RAB6A: variants seen among roughly 807,000 people sequenced by gnomAD.
RAB6A encodes RAB6A, member RAS oncogene family, also known as ras-related protein Rab-6A.
RAB6A carries 8 observed loss-of-function variants against 32.3 expected under a neutral mutation model. The observed-to-expected ratio is 0.25, with a 90% CI of 0.15 to 0.45. The LOEUF is 0.45. RAB6A is among the 20% of genes least tolerant of loss of function. The pLI is 1.00. For missense variants in RAB6A, 104 were observed against 249.4 expected, an observed-to-expected ratio of 0.42 and a Z score of 3.93; for synonymous variants, 73 against 82.1, an observed-to-expected ratio of 0.89 and a Z score of 0.60.
At chr11:73,730,427 A>G (rs1369491745) in intron 2 of RAB6A, 1 of 185,302 alleles carries the variant, frequency 5.4e-6, no homozygotes, top group Non-Finnish European at 1.1e-5. Flanking sequence ...TAATTTCATT[A>G]TTCATTTATT....
At chr11:73,723,231 C>G (rs1459010300) in intron 2 of RAB6A, among the ~76,000 whole-genome samples, 1 of 152,108 alleles carries the variant, frequency 6.6e-6, no homozygotes, top group South Asian at 2.1e-4. Context: ...TCATGTACAC[C>G]TGTCCACATT....
rs545449600 is a variant in RAB6A, at chr11:73,685,196, T to G, written c.496-5476A>C. 4.6e-5 allele frequency among the ~76,000 whole-genome samples: 7 copies of G among 152,060 alleles called. No individual in the cohort carries two copies. The East Asian group carries it at 1.4e-3, about 29-fold the overall frequency. ...CCTGATGTGTAAGATGGGCTTAAAA[T>G]AATAGTATACTTGCCTGATTAGATT... On this transcript the variant is annotated intron_variant, in intron 6 of 7. Transcript: ENST00000336083.
chr11:73,742,818 A>G (rs1305420248), intron 1 of RAB6A, among the ~76,000 whole-genome samples: 2 of 152,108 alleles, frequency 1.3e-5, no homozygotes, highest in East Asian at 3.9e-4. Context: ...TCAAAAAAAA[A>G]AAGTAAACAA....
At position 73,753,045 on chromosome 11, in the gene RAB6A, T is replaced by C. The variant is rs551102628; in HGVS notation, c.70+7521A>G. ...GCGGGAATCACTTGAGGCCAGGAGT[T>C]GGAAAGCAGCCTGGCAACACAGCAA... On this transcript the variant is annotated intron_variant, in intron 1 of 7. Transcript: ENST00000336083. 3.3e-5 allele frequency among the ~76,000 whole-genome samples: 5 copies of C among 152,116 alleles called. No individual in the cohort carries two copies. In the South Asian group the frequency reaches 1.0e-3, roughly 32 times the overall value.
chr11:73,691,555 T>A (rs537787987), intron 6 of RAB6A, among the ~76,000 whole-genome samples: 1 of 152,342 alleles, frequency 6.6e-6, no homozygotes, highest in East Asian at 1.9e-4. Flanking sequence ...ACTTTAAACT[T>A]CTGGAGAGCA....
At position 73,676,592 on chromosome 11, in the gene RAB6A, C is replaced by A. The variant is rs1400416638; in HGVS notation, c.*1306G>T. 6.0e-6 allele frequency: 1 copy of A among 166,510 alleles called. No homozygotes were observed. The highest frequency in any genetic ancestry group is 1.5e-5 in the Non-Finnish European group (1 of 68,010). The allele number at this position is 166,510 out of a possible 1,614,324, so 10.3% of individuals were successfully genotyped here. A position where few individuals can be genotyped will look rare whatever the true frequency, so the allele number is the denominator to read the frequency against. ...TTAAACTATACAGATCTAATACAAACCAAAACCAGCCTGAAAGACCCAACC... is the reference window on the plus strand; with the variant it reads ...TTAAACTATACAGATCTAATACAAAACAAAACCAGCCTGAAAGACCCAACC... On this transcript the variant is annotated 3_prime_UTR_variant, in exon 8 of 8. Coordinates refer to ENST00000336083, the MANE Select transcript of RAB6A (RefSeq NM_198896.2).
chr11:73,683,978 T>A (rs915453578), intron 6 of RAB6A, among the ~76,000 whole-genome samples: 1 of 152,320 alleles, frequency 6.6e-6, no homozygotes, highest in African/African-American at 2.4e-5. Context: ...GTATTAATAG[T>A]ATTATTTTAA....
intron 5 of RAB6A, among the ~76,000 whole-genome samples, chr11:73,713,406 TA>T (rs1212918877): frequency 6.6e-6 from 1 of 152,044 alleles, no homozygotes; most frequent in African/African-American, 2.4e-5. Flanking sequence ...CCGTCTCTAC[TA>T]AAAACACAAA....
chr11:73,742,742 G>A (rs1042594825), intron 1 of RAB6A, among the ~76,000 whole-genome samples: 17 of 152,122 alleles, frequency 1.1e-4, no homozygotes, highest in African/African-American at 3.9e-4. Context: ...CTCGGGAGAT[G>A]GAGGTTGCAG....
At chr11:73,760,052 CACG>C in intron 1 of RAB6A, 1 of 1,289,454 alleles carries the variant, frequency 7.8e-7, no homozygotes. Context: ...TCCCACCTTC[CACG>C]ACATCAGCAC....
intron 6 of RAB6A, among the ~76,000 whole-genome samples, chr11:73,681,737 A>G (rs1945361728): frequency 6.6e-6 from 1 of 152,188 alleles, no homozygotes; most frequent in Admixed American, 6.5e-5. Flanking sequence ...TGAACCCAGG[A>G]GCCGGAGGTT....
rs11235866 is a variant in RAB6A at position 73,702,653 on chromosome 11, A to G, written c.495+4767T>C. 4.0e-3 allele frequency among the ~76,000 whole-genome samples: 610 copies of G among 152,332 alleles called. 4 individuals are homozygous for G. Among genetic ancestry groups the G allele is most frequent in the South Asian group, 0.026 (123 of 4,822 alleles). ...ATATTACAGAGTGTATTCTCTGACT[A>G]TAACAGAATTAAATTAGAAGCCAGT... On this transcript the variant is annotated intron_variant, in intron 6 of 7. Coordinates refer to ENST00000336083, the MANE Select transcript of RAB6A (RefSeq NM_198896.2).
At chr11:73,706,242 G>A (rs1041578058) in intron 6 of RAB6A, among the ~76,000 whole-genome samples, 6 of 151,936 alleles carry the variant, frequency 3.9e-5, no homozygotes, top group Admixed American at 1.3e-4. Flanking sequence ...TAGGCCGGGC[G>A]TGGTGGCTCA....
intron 6 of RAB6A, among the ~76,000 whole-genome samples, chr11:73,680,869 A>G (rs923063111): frequency 1.1e-4 from 16 of 152,184 alleles, no homozygotes; most frequent in African/African-American, 3.6e-4. Flanking sequence ...GAAGCTATGA[A>G]AAGTTATCTT....
intron 2 of RAB6A, among the ~76,000 whole-genome samples, chr11:73,724,928 G>A (rs1251709810): frequency 7.9e-5 from 12 of 152,150 alleles, no homozygotes; most frequent in African/African-American, 2.7e-4. Context: ...ATATACCCAG[G>A]ATGCAGAATA....
chr11:73,718,499 T>C (rs1383025278), intron 4 of RAB6A, 114 bp downstream of exon 4: 2 of 855,934 alleles, frequency 2.3e-6, no homozygotes, highest in Non-Finnish European at 3.6e-6. Context: ...TAATTTACTA[T>C]GATAAAACTT....
chr11:73,690,065 T>C (rs1945525678), intron 6 of RAB6A, among the ~76,000 whole-genome samples: 1 of 152,218 alleles, frequency 6.6e-6, no homozygotes. Flanking sequence ...CCTATTTCCA[T>C]AATTTAATAC....
chr11:73,699,856 A>G (rs1395267946), intron 6 of RAB6A, among the ~76,000 whole-genome samples: 1 of 152,228 alleles, frequency 6.6e-6, no homozygotes, highest in Non-Finnish European at 1.5e-5. Context: ...TGGGAGATAT[A>G]GTGATGAGGA....
chr11:73,717,570 A>G (rs1012485811), intron 4 of RAB6A, among the ~76,000 whole-genome samples: 16 of 152,098 alleles, frequency 1.1e-4, no homozygotes, highest in African/African-American at 3.6e-4. Context: ...TCAGTCTCTC[A>G]AGTAGCTGGG....
Sources: gnomAD v4.1 joint callset for allele counts (sites outside exome capture counted in the v4.1 genomes callset) on GRCh38, gnomAD v4.1.1 for gene constraint, MANE v1.5 for transcripts, NCBI Gene and HGNC (gene_info 2026-07-23, HGNC 2026-07-21) for gene names.